The following PTPRQ variants were observed in gnomAD, a reference collection of about 807,000 sequenced individuals.
PTPRQ encodes protein tyrosine phosphatase receptor type Q, also known as phosphatidylinositol phosphatase PTPRQ.
PTPRQ carries 199 observed loss-of-function variants against 246.0 expected under a neutral mutation model. That is an observed-to-expected ratio of 0.81 (90% CI 0.72 to 0.91). The LOEUF is 0.91. Ranked by LOEUF, PTPRQ falls within the 40% of genes least tolerant of loss-of-function variation. The probability of loss-of-function intolerance (pLI) is 0.00; values close to 1 mark genes in which losing one functional copy is unlikely to be tolerated. For missense variants in PTPRQ, 2,624 were observed against 2,528.4 expected, an observed-to-expected ratio of 1.04 and a Z score of -0.81; for synonymous variants, 869 against 853.2, an observed-to-expected ratio of 1.02 and a Z score of -0.32.
intron 38 of PTPRQ, among the ~76,000 whole-genome samples, chr12:80,654,723 G>A (rs1441104947): frequency 6.6e-6 from 1 of 151,286 alleles, no homozygotes; most frequent in African/African-American, 2.4e-5. Flanking sequence ...AGCCGGGCGT[G>A]ATGGCAGGTG....
chr12:80,667,307 T>C (rs1248015614), intron 39 of PTPRQ, among the ~76,000 whole-genome samples: 1 of 151,918 alleles, frequency 6.6e-6, no homozygotes, highest in Non-Finnish European at 1.5e-5. Flanking sequence ...ACCAGTGATA[T>C]GTGAAGTTTG....
intron 6 of PTPRQ, among the ~76,000 whole-genome samples, chr12:80,463,370 A>G (rs1375483739): frequency 6.6e-6 from 1 of 152,252 alleles, no homozygotes; most frequent in Non-Finnish European, 1.5e-5. Context: ...GACTATGTGA[A>G]AAGACCAAAT....
At chr12:80,676,219 G>C (rs1272175370) in intron 43 of PTPRQ, among the ~76,000 whole-genome samples, 1 of 152,168 alleles carries the variant, frequency 6.6e-6, no homozygotes, top group Admixed American at 6.5e-5. Context: ...AGTGATTGCA[G>C]TTTCTATGAG....
chr12:80,618,170 C>A (rs958869750), intron 30 of PTPRQ, among the ~76,000 whole-genome samples: 33 of 151,164 alleles, frequency 2.2e-4, no homozygotes, highest in African/African-American at 7.5e-4. Flanking sequence ...AGAACCGAGT[C>A]AAAAAAATGT....
intron 25 of PTPRQ, among the ~76,000 whole-genome samples, chr12:80,578,340 T>A (rs1298560471): frequency 6.7e-6 from 1 of 149,430 alleles, no homozygotes; most frequent in Non-Finnish European, 1.5e-5. Flanking sequence ...TAAAATAAAT[T>A]TTTTTTCCCA....
chr12:80,509,792 T>G (rs1895071869), intron 16 of PTPRQ, among the ~76,000 whole-genome samples: 1 of 152,112 alleles, frequency 6.6e-6, no homozygotes, highest in South Asian at 2.1e-4. Flanking sequence ...GAAGACTGAG[T>G]GAACAGAGTT....
chr12:80,495,101 A>ATG lies in PTPRQ; in HGVS notation c.1702+9_1702+10dup. 6.4e-7 allele frequency: 1 copy of ATG among 1,550,408 alleles called. No homozygotes were observed. The highest frequency in any genetic ancestry group is 8.7e-7 in the Non-Finnish European group (1 of 1,146,164). Reference sequence around the variant, plus strand: ...GTTAGGACACGTCAGCAAGGTAAGGATGTATTTCCTTTGAAACAATTAACT... The same window carrying ATG: ...GTTAGGACACGTCAGCAAGGTAAGGATGTGTATTTCCTTTGAAACAATTAACT... On this transcript the variant is annotated splice_region_variant and intron_variant, in intron 11 of 44. Transcript: ENST00000644991.
chr12:80,538,905 T>C (rs1896065894), intron 19 of PTPRQ, among the ~76,000 whole-genome samples: 1 of 152,160 alleles, frequency 6.6e-6, no homozygotes, highest in Non-Finnish European at 1.5e-5. Flanking sequence ...TGAGATTAAA[T>C]GATTTATCCA....
intron 39 of PTPRQ, among the ~76,000 whole-genome samples, chr12:80,666,828 C>T (rs1036350341): frequency 6.7e-6 from 1 of 150,132 alleles, no homozygotes; most frequent in Non-Finnish European, 1.5e-5. Flanking sequence ...GTTGGTTTTG[C>T]CTTCAAAATG....
chr12:80,447,599 GTT>G lies in PTPRQ; in HGVS notation c.390+1884_390+1885del, dbSNP rs576261250. 1.4e-3 allele frequency among the ~76,000 whole-genome samples: 207 copies of G among 152,140 alleles called. No homozygotes were observed. In the South Asian group the frequency reaches 0.018, roughly 13 times the overall value. Reference sequence around the variant, plus strand: ...GTATATGCTGAGAGCTAAGGATCCAGTTTCATTCTCTTGGATATGGCCAGCCA... The same window carrying G: ...GTATATGCTGAGAGCTAAGGATCCAGTCATTCTCTTGGATATGGCCAGCCA... On this transcript the variant is annotated intron_variant, in intron 3 of 44. Coordinates refer to ENST00000644991, the MANE Select transcript of PTPRQ (RefSeq NM_001145026.2).
At chr12:80,648,235 G>GT (rs1444160906) in intron 35 of PTPRQ, among the ~76,000 whole-genome samples, 21 of 152,028 alleles carry the variant, frequency 1.4e-4, no homozygotes, top group Non-Finnish European at 2.9e-4. Context: ...TGCCTTTTGT[G>GT]TTTTTTGCAG....
At chr12:80,515,769 T>G (rs1895276916) in intron 17 of PTPRQ, among the ~76,000 whole-genome samples, 1 of 151,378 alleles carries the variant, frequency 6.6e-6, no homozygotes, top group Admixed American at 6.6e-5. Context: ...GAGTGTGTCT[T>G]CAAAATGCAG....
chr12:80,444,528 C>T (rs565204614), intron 1 of PTPRQ, 129 bp downstream of exon 1: 1 of 710,646 alleles, frequency 1.4e-6, no homozygotes, highest in Admixed American at 2.8e-5. Context: ...TGTGATAACG[C>T]AGTACGTTTT....
chr12:80,601,494 T>C (rs1040151717), intron 26 of PTPRQ, among the ~76,000 whole-genome samples: 9 of 151,874 alleles, frequency 5.9e-5, no homozygotes, highest in Non-Finnish European at 1.0e-4. Context: ...ATTCAATGAA[T>C]GCATAAATTT....
chr12:80,604,848 T>A (rs1898257354), intron 26 of PTPRQ, among the ~76,000 whole-genome samples: 3 of 151,546 alleles, frequency 2.0e-5, no homozygotes, highest in African/African-American at 7.3e-5. Context: ...TAATTAAGTT[T>A]TCATGTGGAA....
intron 29 of PTPRQ, 61 bp from the exon 30 acceptor site, chr12:80,616,139 A>G (rs1054072352): frequency 2.5e-6 from 3 of 1,202,856 alleles, no homozygotes; most frequent in Non-Finnish European, 3.3e-6. Context: ...ATATATATAT[A>G]TATACACACA....
At position 80,541,721 on chromosome 12, in the gene PTPRQ, G is replaced by A. The variant is rs914661851; in HGVS notation, c.3321G>A (p.Glu1107=). Residue 1107 remains glutamate (E), a synonymous_variant, in exon 21 of 45, where the codon GAG becomes GAA. Transcript: ENST00000644991. The stretch of plus-strand genomic sequence containing the variant: ...TGAGACCACCTCTTGTTACATATGA[G>A]AGAAGCATATATTTTGATAATCTGG... The part of the protein sequence containing the change: ...RHVRPPLVTY[E]RSIYFDNLEK... 3.9e-6 allele frequency: 6 copies of A among 1,551,302 alleles called. No homozygotes were observed. Among genetic ancestry groups the A allele is most frequent in the Admixed American group, 2.0e-5 (1 of 50,980 alleles).
intron 25 of PTPRQ, among the ~76,000 whole-genome samples, chr12:80,571,257 G>C (rs1268233707): frequency 6.6e-6 from 1 of 152,126 alleles, no homozygotes; most frequent in African/African-American, 2.4e-5. Context: ...TGATTCTCCT[G>C]CCTCAGCCTC....
intron 25 of PTPRQ, chr12:80,586,707 G>C (rs1057310912): frequency 6.6e-6 from 1 of 152,170 alleles, no homozygotes; most frequent in East Asian, 1.9e-4. Context: ...AAACACTACA[G>C]TTGGCCCTCC....
Sources: allele counts gnomAD v4.1 joint callset (sites outside exome capture counted in the v4.1 genomes callset), GRCh38; gene constraint gnomAD v4.1.1; transcripts MANE v1.5; gene names NCBI Gene and HGNC (gene_info 2026-07-23, HGNC 2026-07-21).